RANBP2: variants seen among roughly 807,000 people sequenced by gnomAD.
RANBP2 encodes the protein E3 SUMO-protein ligase RanBP2.
Under a neutral mutation model 303.6 loss-of-function variants are expected in RANBP2, and 57 were observed. The ratio of observed to expected loss-of-function variants is 0.19; its 90% CI spans 0.15 to 0.23. The LOEUF (loss-of-function observed/expected upper bound fraction) is 0.23. Among genes scored for constraint, RANBP2 ranks in the 10% least tolerant of loss-of-function variants. The pLI is 1.00. For missense variants in RANBP2, 3,138 were observed against 3,780.8 expected (o/e 0.83, Z 4.46); for synonymous variants, 1,167 against 1,301.5 (o/e 0.90, Z 2.23).
At chr2:109,707,720 A>G in the RANBP2 span, among the ~76,000 whole-genome samples, 5 of 152,332 alleles carry the variant, frequency 3.3e-5, no homozygotes, top group Admixed American at 3.3e-4. Flanking sequence ...GATAGTTTGA[A>G]TAGCCCTCTG....
chr2:109,296,297 G>C, the RANBP2 span, among the ~76,000 whole-genome samples: 7 of 151,824 alleles, frequency 4.6e-5, no homozygotes, highest in Admixed American at 1.3e-4. Context: ...GTGCTATCTC[G>C]GCTCACTGCA....
the RANBP2 span, among the ~76,000 whole-genome samples, chr2:109,603,041 A>G: frequency 6.6e-6 from 1 of 151,988 alleles, no homozygotes; most frequent in East Asian, 1.9e-4. Flanking sequence ...ACTGTACTCC[A>G]GCCTGGGCAA....
chr2:109,420,602 C>A, the RANBP2 span, among the ~76,000 whole-genome samples: 1 of 152,092 alleles, frequency 6.6e-6, no homozygotes, highest in Non-Finnish European at 1.5e-5. Flanking sequence ...CCAGCCACCA[C>A]GCCTGGCTAA....
chr2:109,533,608 C>T, the RANBP2 span, among the ~76,000 whole-genome samples: 1 of 152,132 alleles, frequency 6.6e-6, no homozygotes, highest in Non-Finnish European at 1.5e-5. Flanking sequence ...GTCATGTCAA[C>T]TTTTAACAGA....
chr2:109,122,516 T>C, the RANBP2 span, among the ~76,000 whole-genome samples: 1 of 152,186 alleles, frequency 6.6e-6, no homozygotes, highest in African/African-American at 2.4e-5. Context: ...GATAAGAGAA[T>C]TCAAGTGTGG....
chr2:109,604,161 CAAAAAAAA>C, the RANBP2 span, among the ~76,000 whole-genome samples: 1 of 58,672 alleles, frequency 1.7e-5, no homozygotes, highest in Non-Finnish European at 3.2e-5. Flanking sequence ...GACTCTGCCT[CAAAAAAAA>C]AAAAAAAAAA....
At chr2:108,954,626 G>A in the RANBP2 span, among the ~76,000 whole-genome samples, 3 of 151,748 alleles carry the variant, frequency 2.0e-5, no homozygotes, top group Non-Finnish European at 4.4e-5. Flanking sequence ...GCTTTCCTCT[G>A]TCACATTCCC....
chr2:108,856,888 A>G, the RANBP2 span: 1 of 1,613,206 alleles, frequency 6.2e-7, no homozygotes, highest in Non-Finnish European at 8.5e-7. Flanking sequence ...CTGTTCCAGT[A>G]ATATTAAGTC....
the RANBP2 span, among the ~76,000 whole-genome samples, chr2:108,808,425 G>A: frequency 6.6e-5 from 10 of 152,172 alleles, no homozygotes; most frequent in Middle Eastern, 0.024. Flanking sequence ...GTTTTTTTGG[G>A]AACCTGAATA....
chr2:109,038,231 T>C, the RANBP2 span, among the ~76,000 whole-genome samples: 7 of 152,234 alleles, frequency 4.6e-5, no homozygotes, highest in Admixed American at 6.5e-5. Context: ...TGGACATCCA[T>C]AGGCAAAAAT....
At chr2:109,476,922 G>A in the RANBP2 span, among the ~76,000 whole-genome samples, 1 of 152,342 alleles carries the variant, frequency 6.6e-6, no homozygotes, top group East Asian at 1.9e-4. Flanking sequence ...GAGTGTAGCA[G>A]TGAGGACAAC....
the RANBP2 span, among the ~76,000 whole-genome samples, chr2:109,651,833 G>A: frequency 1.3e-5 from 2 of 152,114 alleles, no homozygotes; most frequent in African/African-American, 4.8e-5. Flanking sequence ...GAAGTCAGAT[G>A]AACAAGATGA....
chr2:108,763,410 GGGT>G lies in RANBP2; in HGVS notation c.2873_2875del (p.Gly958del), dbSNP rs1367658157. The G allele has an allele frequency of 1.9e-6, 3 of 1,613,946 alleles. No individual in the cohort carries two copies. In the Admixed American group the frequency reaches 5.0e-5, roughly 27 times the overall value. On this transcript the variant is annotated inframe_deletion, in exon 20 of 29. Transcript: ENST00000283195. ...CTGCAACGGGAATTCTATCGCCCAG[GGGT>G]GATGATTACTTTAATTACAATGTTC...
the RANBP2 span, chr2:108,895,250 A>AGAT: frequency 6.3e-3 from 960 of 152,760 alleles, 9 homozygotes; most frequent in Non-Finnish European, 6.7e-3. Flanking sequence ...TTGGTGTTAA[A>AGAT]GATATGACTG....
chr2:108,908,203 G>A, the RANBP2 span, among the ~76,000 whole-genome samples: 3 of 152,062 alleles, frequency 2.0e-5, no homozygotes, highest in East Asian at 1.9e-4. Context: ...GACATACACC[G>A]GTGGCTTCCT....
the RANBP2 span, among the ~76,000 whole-genome samples, chr2:109,610,577 G>C: frequency 6.6e-6 from 1 of 152,042 alleles, no homozygotes; most frequent in African/African-American, 2.4e-5. Context: ...TTAGCCGGGC[G>C]TGGTGGCACA....
chr2:108,727,649 G>T (rs1334601081), intron 1 of RANBP2, among the ~76,000 whole-genome samples: 1 of 138,702 alleles, frequency 7.2e-6, no homozygotes, highest in African/African-American at 2.8e-5. Flanking sequence ...TGTTGCCCAC[G>T]CTGGAGTGCA....
the RANBP2 span, among the ~76,000 whole-genome samples, chr2:109,207,546 C>G: frequency 3.9e-5 from 6 of 152,120 alleles, no homozygotes; most frequent in Admixed American, 1.3e-4. Flanking sequence ...CAGTGTTTCT[C>G]TTAGGAACAA....
the RANBP2 span, among the ~76,000 whole-genome samples, chr2:109,116,070 C>T: frequency 6.6e-6 from 1 of 152,132 alleles, no homozygotes; most frequent in Non-Finnish European, 1.5e-5. Context: ...AACATTTTTT[C>T]CTTCATTTCA....
Sources: gnomAD v4.1 joint callset for allele counts (sites outside exome capture counted in the v4.1 genomes callset) on GRCh38, gnomAD v4.1.1 for gene constraint, MANE v1.5 for transcripts, NCBI Gene and HGNC (gene_info 2026-07-23, HGNC 2026-07-21) for gene names.